SF3B3: variants seen among roughly 807,000 people sequenced by gnomAD.
The protein encoded by SF3B3 is SAP 130.
SF3B3 carries 33 observed loss-of-function variants against 139.2 expected under a neutral mutation model. That is an observed-to-expected ratio of 0.24 (90% confidence interval 0.18 to 0.32). SF3B3 has a LOEUF of 0.32. Among genes scored for constraint, SF3B3 ranks in the 10% least tolerant of loss-of-function variants. The probability of loss-of-function intolerance (pLI) is 1.00; values close to 1 mark genes in which losing one functional copy is unlikely to be tolerated. For synonymous variants in SF3B3, 596 were observed against 563.6 expected, an observed-to-expected ratio of 1.06 and a Z score of -0.81; for missense variants, 818 against 1,509.4, an observed-to-expected ratio of 0.54 and a Z score of 7.59.
At chr16:70,525,312 C>T (rs1183366218) in intron 1 of SF3B3, among the ~76,000 whole-genome samples, 1 of 152,156 alleles carries the variant, frequency 6.6e-6, no homozygotes. Context: ...CAGGCGTGAG[C>T]CACCACTGCG....
chr16:70,559,726 A>G (rs1388200334), intron 15 of SF3B3, among the ~76,000 whole-genome samples: 1 of 151,888 alleles, frequency 6.6e-6, no homozygotes, highest in African/African-American at 2.4e-5. Flanking sequence ...ATAGAGTAAC[A>G]TCATAAACTT....
At chr16:70,559,141 C>G (rs371165996) in intron 15 of SF3B3, among the ~76,000 whole-genome samples, 2 of 152,184 alleles carry the variant, frequency 1.3e-5, no homozygotes, top group Non-Finnish European at 2.9e-5. Context: ...CCTTTACTTA[C>G]AGCTATTACA....
chr16:70,560,597 T>C lies in SF3B3; in HGVS notation c.2133+6T>C, dbSNP rs753244987. ...GAATGCAAGGCCAGGAGGCAGTAAG[T>C]AATGAAGGTTGGGGACAGGCAACAT... On this transcript the variant is annotated splice_donor_region_variant and intron_variant, in intron 16 of 25. Coordinates refer to ENST00000302516, the MANE Select transcript of SF3B3 (RefSeq NM_012426.5). The C allele has an allele frequency of 1.2e-6, 2 of 1,612,914 alleles. No individual in the cohort carries two copies. The highest frequency in any genetic ancestry group is 1.7e-6 in the Non-Finnish European group (2 of 1,179,148).
At chr16:70,566,042 G>A (rs1194121502) in intron 20 of SF3B3, among the ~76,000 whole-genome samples, 4 of 151,720 alleles carry the variant, frequency 2.6e-5, no homozygotes, top group African/African-American at 4.8e-5. Context: ...GCTTGAACCC[G>A]GGAGGCGGAG....
At chr16:70,560,726 C>T in intron 16 of SF3B3, 135 bp downstream of exon 16, 1 of 951,120 alleles carries the variant, frequency 1.1e-6, no homozygotes. Flanking sequence ...GTGAGAAGTC[C>T]TGAGTTTTCC....
intron 24 of SF3B3, 112 bp from the exon 25 acceptor site, chr16:70,570,983 C>T (rs1261066780): frequency 4.0e-6 from 3 of 755,776 alleles, no homozygotes; most frequent in Non-Finnish European, 7.1e-6. Context: ...TTAGATATTT[C>T]CCGTGTGTTT....
At chr16:70,549,857 G>A (rs543792108) in intron 11 of SF3B3, among the ~76,000 whole-genome samples, 7 of 152,110 alleles carry the variant, frequency 4.6e-5, no homozygotes, top group Admixed American at 1.3e-4. Context: ...CCTGGGAGGC[G>A]GAGGTTGCAG....
intron 17 of SF3B3, among the ~76,000 whole-genome samples, chr16:70,562,239 C>T (rs1029392674): frequency 6.6e-6 from 1 of 152,148 alleles, no homozygotes; most frequent in Non-Finnish European, 1.5e-5. Flanking sequence ...AGTTTGAGCA[C>T]TGTATGTAAT....
rs1263814555 is a variant in SF3B3, at chr16:70,574,919, A to G, written c.*3106A>G. The G allele has an allele frequency of 6.6e-6, 1 of 152,206 alleles. No homozygotes were observed. Among genetic ancestry groups the G allele is most frequent in the Non-Finnish European group, 1.5e-5 (1 of 68,030 alleles). 9.4% of individuals were successfully genotyped at this position (152,206 alleles called of 1,614,324 possible). A position where few individuals can be genotyped will look rare whatever the true frequency, so the allele number is the denominator to read the frequency against. On this transcript the variant is annotated 3_prime_UTR_variant, in exon 26 of 26. Transcript: ENST00000302516. ...CTTAAAATTAATTTTCAAGGGCTAT[A>G]TGTAGAGCTCAGAAGAAACATCTCT... is the stretch of plus-strand genomic sequence containing the variant.
In SF3B3 at chr16:70,573,873, C is replaced by T. The variant is rs185091418; in HGVS notation, c.*2060C>T. On this transcript the variant is annotated 3_prime_UTR_variant, in exon 26 of 26. Coordinates refer to ENST00000302516, the MANE Select transcript of SF3B3 (RefSeq NM_012426.5). ...AGTTTTTAGCTGCCTCAGCTTTCCCCTGACCTTACTGGCAGAGGTTCTGCA... is the reference window on the plus strand; with the variant it reads ...AGTTTTTAGCTGCCTCAGCTTTCCCTTGACCTTACTGGCAGAGGTTCTGCA... The T allele has an allele frequency of 6.6e-6, 1 of 152,340 alleles. No homozygotes were observed. Among genetic ancestry groups the T allele is most frequent in the African/African-American group, 2.4e-5 (1 of 41,574 alleles). The allele number at this position is 152,340 out of a possible 1,614,324, so 9.4% of individuals were successfully genotyped here. A position where few individuals can be genotyped will look rare whatever the true frequency, so the allele number is the denominator to read the frequency against.
At chr16:70,556,406 G>A in intron 14 of SF3B3, 72 bp downstream of exon 14, 1 of 1,531,180 alleles carries the variant, frequency 6.5e-7, no homozygotes. Flanking sequence ...GTCTATCTCT[G>A]AGATCCACTC....
At chr16:70,529,453 A>T (rs2050099693) in intron 3 of SF3B3, 3 of 511,826 alleles carry the variant, frequency 5.9e-6, no homozygotes, top group Non-Finnish European at 1.0e-5. Flanking sequence ...TCTTTGGCAA[A>T]AAGACTACAA....
intron 9 of SF3B3, 26 bp downstream of exon 9, chr16:70,541,860 C>T (rs1236787289): frequency 6.3e-7 from 1 of 1,592,838 alleles, no homozygotes; most frequent in African/African-American, 1.3e-5. Flanking sequence ...CAGCCCCTTC[C>T]ACAATAGATC....
At chr16:70,532,664 A>AT (rs1353519787) in intron 5 of SF3B3, 44 bp downstream of exon 5, 4 of 1,593,562 alleles carry the variant, frequency 2.5e-6, no homozygotes, top group Non-Finnish European at 8.6e-7. Context: ...TACTTGGTTC[A>AT]TTTTATGCCC....
intron 10 of SF3B3, among the ~76,000 whole-genome samples, chr16:70,546,980 A>G (rs1316608626): frequency 6.6e-6 from 1 of 151,862 alleles, no homozygotes. Flanking sequence ...GTGAGCCAAG[A>G]TCGCGCCATT....
chr16:70,571,248 G>A, intron 25 of SF3B3, 49 bp downstream of exon 25: 1 of 1,352,528 alleles, frequency 7.4e-7, no homozygotes, highest in Non-Finnish European at 1.1e-6. Flanking sequence ...GAAAGGAGCA[G>A]CACAGGGAGT....
chr16:70,527,045 C>T (rs1214700649), intron 2 of SF3B3: 1 of 300,602 alleles, frequency 3.3e-6, no homozygotes, highest in Non-Finnish European at 6.1e-6. Flanking sequence ...TTGAATTTGA[C>T]ATCAGGTTGG....
intron 5 of SF3B3, 55 bp downstream of exon 5, chr16:70,532,675 A>G: frequency 6.4e-7 from 1 of 1,553,524 alleles, no homozygotes; most frequent in African/African-American, 1.4e-5. Flanking sequence ...TTTTATGCCC[A>G]AACCTAATAG....
At chr16:70,556,783 A>C in intron 14 of SF3B3, 103 bp from the exon 15 acceptor site, 1 of 1,334,500 alleles carries the variant, frequency 7.5e-7, no homozygotes, top group Non-Finnish European at 1.1e-6. Flanking sequence ...TTTTCTGTGC[A>C]TAAGGAAGTA....
Sources: gnomAD v4.1 joint callset for allele counts (sites outside exome capture counted in the v4.1 genomes callset) on GRCh38, gnomAD v4.1.1 for gene constraint, MANE v1.5 for transcripts, NCBI Gene and HGNC (gene_info 2026-07-23, HGNC 2026-07-21) for gene names.